Variants in CA10 observed in about 807,000 individuals in gnomAD.
The protein encoded by CA10 is carbonic anhydrase-related protein 10.
Under a neutral mutation model 44.2 loss-of-function variants are expected in CA10, and 14 were observed. That is an observed-to-expected ratio of 0.32 (90% CI 0.21 to 0.50). The LOEUF (loss-of-function observed/expected upper bound fraction) is 0.50. CA10 is among the 20% of genes least tolerant of loss of function. The pLI, the probability that CA10 is intolerant of heterozygous loss-of-function variation, is 0.99. For synonymous variants in CA10, 159 were observed against 141.6 expected (o/e 1.12, Z -0.87); for missense variants, 350 against 409.7 (o/e 0.85, Z 1.26).
At position 51,919,697 on chromosome 17, in the gene CA10, G is replaced by T. The variant is rs111730224; in HGVS notation, c.279+11293C>A. Among the ~76,000 whole-genome samples, 335 of 152,222 alleles carry T rather than the reference G, an allele frequency of 2.2e-3. 3 individuals are homozygous for T. The highest frequency in any genetic ancestry group is 5.8e-3 in the South Asian group (28 of 4,818). ...GATGGAGTCTCACTTTGTCGCCCAG[G>T]TTGGAGTGCAGTGGCACGATCTCTG... is the stretch of plus-strand genomic sequence containing the variant. On this transcript the variant is annotated intron_variant, in intron 3 of 8. Transcript: ENST00000451037.
intron 3 of CA10, among the ~76,000 whole-genome samples, chr17:51,815,099 A>G (rs541469932): frequency 3.4e-4 from 51 of 152,204 alleles, no homozygotes; most frequent in Non-Finnish European, 6.5e-4. Flanking sequence ...ATCTAGAAGC[A>G]GCTCCACCCC....
chr17:51,961,081 T>C (rs895194874), intron 2 of CA10, among the ~76,000 whole-genome samples: 122 of 151,860 alleles, frequency 8.0e-4, no homozygotes, highest in African/African-American at 2.9e-3. Flanking sequence ...TGCCCAAGAG[T>C]TCCAGTTTCT....
intron 4 of CA10, among the ~76,000 whole-genome samples, chr17:51,662,849 GT>G (rs1181991901): frequency 6.6e-6 from 1 of 152,210 alleles, no homozygotes. Context: ...AGCATGGAAT[GT>G]AATTATTTTC....
At chr17:52,034,565 T>C (rs906459532) in intron 2 of CA10, among the ~76,000 whole-genome samples, 7 of 152,228 alleles carry the variant, frequency 4.6e-5, no homozygotes, top group Admixed American at 3.3e-4. Context: ...GATGGTTACA[T>C]AGGAGTCCCC....
At chr17:52,035,565 G>T (rs1986593001) in intron 2 of CA10, among the ~76,000 whole-genome samples, 1 of 152,084 alleles carries the variant, frequency 6.6e-6, no homozygotes. Flanking sequence ...AAAAACAAAA[G>T]ACTCACTGAG....
At chr17:51,830,254 A>G (rs906170627) in intron 3 of CA10, among the ~76,000 whole-genome samples, 1 of 151,932 alleles carries the variant, frequency 6.6e-6, no homozygotes, top group East Asian at 1.9e-4. Context: ...GAGAGTATTT[A>G]CACATAGGTG....
chr17:51,890,455 C>T (rs910163448), intron 3 of CA10, among the ~76,000 whole-genome samples: 1 of 152,196 alleles, frequency 6.6e-6, no homozygotes, highest in Non-Finnish European at 1.5e-5. Flanking sequence ...AGGAGCTGAA[C>T]TTTAAGACCC....
chr17:51,995,861 T>G (rs1183624168), intron 2 of CA10, among the ~76,000 whole-genome samples: 2 of 152,004 alleles, frequency 1.3e-5, no homozygotes. Flanking sequence ...CATTTCTTCT[T>G]CCCCAAGGAG....
rs115114008 is a variant in CA10, at chr17:51,809,525, T to C, written c.280-61707A>G. Among the ~76,000 whole-genome samples the C allele has an allele frequency of 4.9e-3, 753 of 152,316 alleles. 2 individuals are homozygous for C. The highest frequency in any genetic ancestry group is 0.017 in the African/African-American group (713 of 41,564). On this transcript the variant is annotated intron_variant, in intron 3 of 8. Coordinates refer to ENST00000451037, the MANE Select transcript of CA10 (RefSeq NM_020178.5). ...GAGCCAGGATTTAAATTAAGATCTCTTGGGCTTTACTAACATGCTCTTTGT... is the reference window on the plus strand; with the variant it reads ...GAGCCAGGATTTAAATTAAGATCTCCTGGGCTTTACTAACATGCTCTTTGT...
rs951081829 is a variant in CA10 at position 51,752,255 on chromosome 17, C to T, written c.280-4437G>A. On this transcript the variant is annotated intron_variant, in intron 3 of 8. Transcript: ENST00000451037. Reference sequence around the variant, plus strand: ...ATCTGCACCGCAGTAATTAACATTGCAGCAGTGCCATTTTATCTCGAATGC... The same window carrying T: ...ATCTGCACCGCAGTAATTAACATTGTAGCAGTGCCATTTTATCTCGAATGC... 2.0e-5 allele frequency among the ~76,000 whole-genome samples: 3 copies of T among 151,120 alleles called. No homozygotes were observed. In the South Asian group the frequency reaches 6.3e-4, roughly 32 times the overall value.
At chr17:51,658,076 G>A (rs996200885) in intron 4 of CA10, among the ~76,000 whole-genome samples, 3 of 152,142 alleles carry the variant, frequency 2.0e-5, no homozygotes, top group African/African-American at 4.8e-5. Context: ...GAAATGGCAG[G>A]CAGTCTTCCA....
chr17:52,033,880 C>G (rs573516502), intron 2 of CA10, among the ~76,000 whole-genome samples: 24 of 152,274 alleles, frequency 1.6e-4, no homozygotes, highest in Middle Eastern at 3.4e-3. Flanking sequence ...CTGCCATTTG[C>G]CACAACATGA....
At chr17:51,699,088 A>C (rs1049015848) in intron 4 of CA10, among the ~76,000 whole-genome samples, 20 of 152,310 alleles carry the variant, frequency 1.3e-4, no homozygotes, top group African/African-American at 4.8e-4. Flanking sequence ...TGGGAGGCCA[A>C]GGTGGGTGGA....
chr17:51,731,741 G>T (rs996490686), intron 4 of CA10, among the ~76,000 whole-genome samples: 2 of 151,580 alleles, frequency 1.3e-5, no homozygotes, highest in Non-Finnish European at 2.9e-5. Context: ...ATGGTGGCAA[G>T]ATCTTGGCTT....
At chr17:51,796,844 C>G (rs1391105729) in intron 3 of CA10, among the ~76,000 whole-genome samples, 1 of 152,160 alleles carries the variant, frequency 6.6e-6, no homozygotes, top group African/African-American at 2.4e-5. Context: ...CTGGAGAGGT[C>G]ACAGCAAAGC....
intron 3 of CA10, among the ~76,000 whole-genome samples, chr17:51,803,325 T>C (rs1907009442): frequency 6.6e-6 from 1 of 152,122 alleles, no homozygotes; most frequent in South Asian, 2.1e-4. Flanking sequence ...GAGCCTTTAC[T>C]GTCCCAAAGT....
intron 1 of CA10, among the ~76,000 whole-genome samples, chr17:52,097,959 C>T (rs1028557531): frequency 6.6e-6 from 1 of 152,136 alleles, no homozygotes; most frequent in Non-Finnish European, 1.5e-5. Context: ...TATCTTTCCC[C>T]CGTCACCTGG....
chr17:51,821,890 T>C (rs969606612), intron 3 of CA10, among the ~76,000 whole-genome samples: 6 of 152,220 alleles, frequency 3.9e-5, no homozygotes, highest in African/African-American at 7.2e-5. Context: ...TCTAGATTCT[T>C]GAGCTTCAAT....
chr17:51,631,128 C>T lies in CA10; in HGVS notation c.*456G>A. 6.0e-6 allele frequency: 1 copy of T among 166,104 alleles called. No homozygotes were observed. The highest frequency in any genetic ancestry group is 1.7e-4 in the South Asian group (1 of 5,958). The allele number at this position is 166,104 out of a possible 1,614,324, so 10.3% of individuals were successfully genotyped here. ...TGATGCAAAGTCCGTTTGATGCCAT[C>T]AGAGCTGTATTTTCTCCTCTCTCTT... On this transcript the variant is annotated 3_prime_UTR_variant, in exon 9 of 9. Coordinates refer to ENST00000451037, the MANE Select transcript of CA10 (RefSeq NM_020178.5).
Sources: allele counts gnomAD v4.1 joint callset (sites outside exome capture counted in the v4.1 genomes callset), GRCh38; gene constraint gnomAD v4.1.1; transcripts MANE v1.5; gene names NCBI Gene and HGNC (gene_info 2026-07-23, HGNC 2026-07-21).